The following MAPK10 variants were observed in gnomAD, a reference collection of about 807,000 sequenced individuals.
MAPK10 encodes mitogen-activated protein kinase 10.
In MAPK10, 25 loss-of-function variants were observed where a neutral mutation model predicts 59.3. That is an observed-to-expected ratio of 0.42 (90% confidence interval 0.31 to 0.59). MAPK10 has a LOEUF of 0.59. Among genes scored for constraint, MAPK10 ranks in the 20% least tolerant of loss-of-function variants. The pLI, the probability that MAPK10 is intolerant of heterozygous loss-of-function variation, is 0.15. For missense variants in MAPK10, 351 were observed against 568.9 expected (o/e 0.62, Z 3.90); for synonymous variants, 190 against 200.5 (o/e 0.95, Z 0.44).
At chr4:86,543,148 T>C (rs1193669783) in intron 1 of MAPK10, among the ~76,000 whole-genome samples, 2 of 152,182 alleles carry the variant, frequency 1.3e-5, no homozygotes, top group Non-Finnish European at 2.9e-5. Context: ...ACTAGATACC[T>C]GATCCGTCCA....
chr4:86,290,156 T>C (rs1369082345), intron 2 of MAPK10, among the ~76,000 whole-genome samples: 1 of 152,110 alleles, frequency 6.6e-6, no homozygotes, highest in South Asian at 2.1e-4. Context: ...AAAAGAATTA[T>C]GATGGCTGAG....
rs534401300 is a variant in MAPK10 at position 86,520,785 on chromosome 4, C to A, written c.-263+73125G>T. Among the ~76,000 whole-genome samples the A allele has an allele frequency of 3.3e-5, 5 of 152,294 alleles. No homozygotes were observed. In the East Asian group the frequency reaches 7.7e-4, roughly 23 times the overall value. ...GAACTCAAGGGCTGCTGTTCAGATTCTTTCATCCCACATGGTGATCCCTTG... is the reference window on the plus strand; with the variant it reads ...GAACTCAAGGGCTGCTGTTCAGATTATTTCATCCCACATGGTGATCCCTTG... On this transcript the variant is annotated intron_variant, in intron 1 of 4. Transcript: ENST00000502302.
chr4:86,122,418 T>C (rs1029939499), intron 4 of MAPK10, among the ~76,000 whole-genome samples: 5 of 152,138 alleles, frequency 3.3e-5, no homozygotes, highest in Non-Finnish European at 5.9e-5. Context: ...ACTGGACCAC[T>C]TCCACCTCTT....
At chr4:86,532,072 T>TTA (rs886219856) in intron 1 of MAPK10, among the ~76,000 whole-genome samples, 3 of 147,512 alleles carry the variant, frequency 2.0e-5, no homozygotes, top group Admixed American at 6.8e-5. Flanking sequence ...TATATTATTT[T>TTA]TATATATATA....
At chr4:86,215,878 C>G (rs757996900) in intron 2 of MAPK10, among the ~76,000 whole-genome samples, 1 of 152,012 alleles carries the variant, frequency 6.6e-6, no homozygotes, top group Non-Finnish European at 1.5e-5. Flanking sequence ...AAAAACTATT[C>G]AAGTATTCAA....
chr4:86,091,599 A>G (rs2053193382), intron 9 of MAPK10: 1 of 146,736 alleles, frequency 6.8e-6, no homozygotes, highest in African/African-American at 2.5e-5. Context: ...CAACAGCAAC[A>G]ACAATAACAA....
intron 4 of MAPK10, among the ~76,000 whole-genome samples, chr4:86,128,649 G>A (rs2060477820): frequency 6.6e-6 from 1 of 151,954 alleles, no homozygotes; most frequent in Non-Finnish European, 1.5e-5. Context: ...GCATGAGAAT[G>A]GATTAATACA....
At chr4:86,556,843 A>C (rs964820707) in intron 1 of MAPK10, among the ~76,000 whole-genome samples, 3 of 152,056 alleles carry the variant, frequency 2.0e-5, no homozygotes, top group Non-Finnish European at 4.4e-5. Flanking sequence ...AAAAATGAGA[A>C]CCATTTTTAT....
At chr4:86,517,379 C>T (rs1430958474) in intron 1 of MAPK10, among the ~76,000 whole-genome samples, 1 of 150,928 alleles carries the variant, frequency 6.6e-6, no homozygotes, top group Non-Finnish European at 1.5e-5. Context: ...GGGTTCACGC[C>T]ATTCTCCTGC....
At chr4:86,515,561 T>C (rs1307846316) in intron 1 of MAPK10, among the ~76,000 whole-genome samples, 4 of 152,242 alleles carry the variant, frequency 2.6e-5, no homozygotes, top group Non-Finnish European at 5.9e-5. Flanking sequence ...CACTGTGGTT[T>C]TGATTTGCAT....
intron 3 of MAPK10, chr4:86,192,176 C>A (rs1299475237): frequency 6.6e-6 from 1 of 152,154 alleles, no homozygotes; most frequent in African/African-American, 2.4e-5. Flanking sequence ...ATGGGTAACC[C>A]AACCTTTCTC....
intron 4 of MAPK10, among the ~76,000 whole-genome samples, chr4:86,158,477 A>T (rs112550980): frequency 5.9e-5 from 9 of 151,466 alleles, no homozygotes; most frequent in Non-Finnish European, 1.0e-4. Context: ...GTAATAAATA[A>T]ATATATTGTA....
chr4:86,468,328 C>A lies in MAPK10; in HGVS notation c.-262-113684G>T, dbSNP rs931876062. Among the ~76,000 whole-genome samples, 6 of 152,186 alleles carry A rather than the reference C, an allele frequency of 3.9e-5. No individual in the cohort carries two copies. In the East Asian group the frequency reaches 1.2e-3, roughly 29 times the overall value. On this transcript the variant is annotated intron_variant, in intron 1 of 4. Transcript: ENST00000502302. ...TCCCTATTGCAAGAGTCCCCCTCCCCCTATTGCAATAGTCCCTTTGACCAC... is the reference window on the plus strand; with the variant it reads ...TCCCTATTGCAAGAGTCCCCCTCCCACTATTGCAATAGTCCCTTTGACCAC...
rs1741928806 is a variant in MAPK10 at position 86,013,222 on chromosome 4, T to G, written c.*4006A>C. On this transcript the variant is annotated 3_prime_UTR_variant, in exon 14 of 14. Transcript: ENST00000641462. ...TCTTATCCTCTAATCACAAAGAAAATAGCTAAAATAACTATTTACATTGCA... is the reference window on the plus strand; with the variant it reads ...TCTTATCCTCTAATCACAAAGAAAAGAGCTAAAATAACTATTTACATTGCA... The G allele has an allele frequency of 6.6e-6, 1 of 152,072 alleles. No homozygotes were observed. The highest frequency in any genetic ancestry group is 2.4e-5 in the African/African-American group (1 of 41,398). The allele number at this position is 152,072 out of a possible 1,614,324, so 9.4% of individuals were successfully genotyped here.
In MAPK10 at chr4:86,145,224, TG is replaced by T. The variant is rs1261980072; in HGVS notation, c.236+14073del. On this transcript the variant is annotated intron_variant, in intron 4 of 13. Transcript: ENST00000641462. Reference sequence around the variant, plus strand: ...TCAAATTTCTATCTCTAGCCGGGCGTGGTGGCGCGCGCCTGTAGTCCCAGCT... The same window carrying T: ...TCAAATTTCTATCTCTAGCCGGGCGTGTGGCGCGCGCCTGTAGTCCCAGCT... Among the ~76,000 whole-genome samples, 12 of 140,736 alleles carry T rather than the reference TG, an allele frequency of 8.5e-5. 4 individuals are homozygous for T. Among genetic ancestry groups the T allele is most frequent in the Admixed American group, 8.4e-4 (12 of 14,370 alleles). The allele number at this position is 140,736 out of a possible 152,430, so 92.3% of individuals were successfully genotyped here. A position where few individuals can be genotyped will look rare whatever the true frequency, so the allele number is the denominator to read the frequency against.
At chr4:86,035,594 G>A (rs1015146496) in intron 11 of MAPK10, among the ~76,000 whole-genome samples, 1 of 151,550 alleles carries the variant, frequency 6.6e-6, no homozygotes, top group African/African-American at 2.4e-5. Context: ...AGATGAGGGT[G>A]AACGAAAGAC....
chr4:86,521,480 A>C (rs911214012), intron 1 of MAPK10, among the ~76,000 whole-genome samples: 3 of 152,002 alleles, frequency 2.0e-5, no homozygotes, highest in African/African-American at 4.8e-5. Flanking sequence ...TGTTGTGGCC[A>C]CTGTCGGGGA....
Position 86,359,981 on chromosome 4 carries a change from G to C in MAPK10, c.-445C>G, listed in dbSNP as rs1736558769. 8.1e-6 allele frequency: 8 copies of C among 985,806 alleles called. No individual in the cohort carries two copies. The Admixed American group carries it at 2.5e-4, about 30-fold the overall frequency. 61.1% of individuals were successfully genotyped at this position (985,806 alleles called of 1,614,324 possible). ...GGGGAGGTTAAAGAAAATAGAAGAAGAGTGGCTTGCTGAATCACCCTCTTT... is the reference window on the plus strand; with the variant it reads ...GGGGAGGTTAAAGAAAATAGAAGAACAGTGGCTTGCTGAATCACCCTCTTT... On this transcript the variant is annotated 5_prime_UTR_variant, in exon 1 of 14. Transcript: ENST00000641462.
At chr4:86,370,906 A>G (rs1221132107) in intron 1 of MAPK10, 1 of 152,224 alleles carries the variant, frequency 6.6e-6, no homozygotes, top group African/African-American at 2.4e-5. Flanking sequence ...AGATGACTCA[A>G]TGAACAGAAT....
Sources: gnomAD v4.1 joint callset for allele counts (sites outside exome capture counted in the v4.1 genomes callset) on GRCh38, gnomAD v4.1.1 for gene constraint, MANE v1.5 for transcripts, NCBI Gene and HGNC (gene_info 2026-07-23, HGNC 2026-07-21) for gene names.